CGAS: variants seen among roughly 807,000 people sequenced by gnomAD.
CGAS encodes cyclic GMP-AMP synthase.
CGAS carries 31 observed loss-of-function variants against 34.0 expected under a neutral mutation model. The observed-to-expected ratio is 0.91, with a 90% confidence interval of 0.69 to 1.23. CGAS has a LOEUF of 1.23. CGAS is among the 50% of genes most tolerant of loss of function. The pLI, the probability that CGAS is intolerant of heterozygous loss-of-function variation, is 0.00. For synonymous variants in CGAS, 266 were observed against 260.0 expected (o/e 1.02, Z -0.22); for missense variants, 597 against 657.6 (o/e 0.91, Z 1.01).
In CGAS at chr6:73,451,718, C is replaced by G; in HGVS notation, c.464G>C (p.Arg155Pro). 6.2e-7 allele frequency: 1 copy of G among 1,613,502 alleles called. No homozygotes were observed. The highest frequency in any genetic ancestry group is 1.3e-5 in the African/African-American group (1 of 75,064). Residue 155 changes from arginine to proline, a missense_variant, in exon 1 of 5, where the codon CGG (arginine) becomes CCG (proline). Physicochemically the swap from Arg to Pro is moderately radical, Grantham distance 103 (BLOSUM62 -2). This residue lies in a region of CGAS where 321 missense variants were observed against 314.3 expected (regional missense o/e 1.02). Coordinates refer to ENST00000370315, the MANE Select transcript of CGAS (RefSeq NM_138441.3). ...CGAGGCCCCAGGCGCCGCATCCCTC[C>G]GTACGAGAATGGGGGCCGAGACCGG... ...GLPVSAPILV[R>P]RDAAPGASKL...
chr6:73,428,884 T>G, intron 3 of CGAS, 73 bp from the exon 4 acceptor site: 1 of 1,342,316 alleles, frequency 7.4e-7, no homozygotes, highest in Admixed American at 2.1e-5. Context: ...TCAAGTGGTT[T>G]CCCTCATGAA....
At chr6:73,450,469 C>T (rs949906014) in intron 1 of CGAS, among the ~76,000 whole-genome samples, 1 of 151,850 alleles carries the variant, frequency 6.6e-6, no homozygotes, top group Admixed American at 6.6e-5. Flanking sequence ...AAATCTCTTG[C>T]TGGGCAAGAA....
intron 2 of CGAS, among the ~76,000 whole-genome samples, chr6:73,443,426 G>C (rs1385301940): frequency 6.6e-6 from 1 of 151,752 alleles, no homozygotes; most frequent in Non-Finnish European, 1.5e-5. Flanking sequence ...TTTTAGTCAA[G>C]ACGGGGTTTC....
At chr6:73,441,479 T>C (rs1428562325) in intron 2 of CGAS, among the ~76,000 whole-genome samples, 2 of 152,168 alleles carry the variant, frequency 1.3e-5, no homozygotes, top group African/African-American at 2.4e-5. Context: ...GAGGCTACGA[T>C]GTGAGGAGGA....
At chr6:73,436,819 T>TGA (rs763740805) in intron 3 of CGAS, among the ~76,000 whole-genome samples, 62 of 150,480 alleles carry the variant, frequency 4.1e-4, no homozygotes, top group African/African-American at 1.1e-3. Context: ...ATTACATGAA[T>TGA]GAGAGAGAGA....
chr6:73,443,605 CA>C (rs954718483), intron 2 of CGAS, among the ~76,000 whole-genome samples: 3 of 152,306 alleles, frequency 2.0e-5, no homozygotes, highest in African/African-American at 7.2e-5. Flanking sequence ...CCCCCACCTC[CA>C]TCTCCCACAT....
intron 1 of CGAS, among the ~76,000 whole-genome samples, chr6:73,449,476 A>ACACACAC (rs1770525650): frequency 6.1e-4 from 87 of 142,900 alleles, no homozygotes; most frequent in African/African-American, 2.2e-3. Context: ...CTCTGTCTCA[A>ACACACAC]ACACACACAC....
intron 4 of CGAS, among the ~76,000 whole-genome samples, chr6:73,427,823 T>A (rs914040430): frequency 3.3e-5 from 5 of 151,782 alleles, no homozygotes; most frequent in African/African-American, 7.3e-5. Context: ...ATAAAAAAAA[T>A]TTTTTTTGAG....
chr6:73,446,163 C>G (rs1770465911), intron 1 of CGAS, among the ~76,000 whole-genome samples: 1 of 151,916 alleles, frequency 6.6e-6, no homozygotes, highest in African/African-American at 2.4e-5. Context: ...AACCCCGTCT[C>G]TACTAAAAAT....
chr6:73,425,054 A>T lies in CGAS; in HGVS notation c.*173T>A, dbSNP rs191743857. ...TTTTTAGTAGAGATGGAGTTTCACC[A>T]TGTTGGTCAGGCTGGTCTCAAACTC... On this transcript the variant is annotated 3_prime_UTR_variant, in exon 5 of 5. Transcript: ENST00000370315. 9.6e-4 allele frequency: 435 copies of T among 454,588 alleles called. 1 individual carries two copies. The highest frequency in any genetic ancestry group is 3.7e-3 in the Admixed American group (89 of 23,988). The allele number at this position is 454,588 out of a possible 1,614,324, so 28.2% of individuals were successfully genotyped here.
Position 73,442,200 on chromosome 6 carries a change from T to C in CGAS, c.878-1755A>G, listed in dbSNP as rs1770390387. Among the ~76,000 whole-genome samples the C allele has an allele frequency of 1.3e-5, 2 of 152,124 alleles. 1 individual carries two copies. Among genetic ancestry groups the C allele is most frequent in the Admixed American group, 1.3e-4 (2 of 15,234 alleles). On this transcript the variant is annotated intron_variant, in intron 2 of 4. Transcript: ENST00000370315. ...CCATCTACCTTTCAAAGGCCACCTC[T>C]GCCCATAGTCTCTGGATCCCTTCCT...
At chr6:73,427,642 T>C (rs1045797062) in intron 4 of CGAS, among the ~76,000 whole-genome samples, 4 of 151,812 alleles carry the variant, frequency 2.6e-5, no homozygotes, top group African/African-American at 7.3e-5. Flanking sequence ...CAATTCCTTT[T>C]CAATCTTAGT....
chr6:73,442,019 T>G (rs2150814547), intron 2 of CGAS, among the ~76,000 whole-genome samples: 1 of 152,220 alleles, frequency 6.6e-6, no homozygotes, highest in South Asian at 2.1e-4. Flanking sequence ...ATTACAGGCA[T>G]GCACCACCAC....
At position 73,424,205 on chromosome 6, in the gene CGAS, C is replaced by G. The variant is rs533587196; in HGVS notation, c.*1022G>C. On this transcript the variant is annotated 3_prime_UTR_variant, in exon 5 of 5. Transcript: ENST00000370315. ...ATCCCAGCACTTTGGGAGGCCAAGGCGGGCGGATCACAAGGTAAGGAGATC... is the reference window on the plus strand; with the variant it reads ...ATCCCAGCACTTTGGGAGGCCAAGGGGGGCGGATCACAAGGTAAGGAGATC... 2 of 152,092 alleles carry G rather than the reference C, an allele frequency of 1.3e-5. No individual in the cohort carries two copies. The highest frequency in any genetic ancestry group is 2.9e-5 in the Non-Finnish European group (2 of 68,032). The allele number at this position is 152,092 out of a possible 1,614,324, so 9.4% of individuals were successfully genotyped here.
Position 73,451,782 on chromosome 6 carries a change from G to T in CGAS, c.400C>A (p.Pro134Thr). The change falls in exon 1 of 5, where the codon CCT becomes ACT. Residue 134 changes from proline to threonine, a missense_variant. By Grantham distance (38) the Pro-to-Thr change is conservative (BLOSUM62 -1). Coordinates refer to ENST00000370315, the MANE Select transcript of CGAS (RefSeq NM_138441.3). ...GGCACGTCCCAGGGCCCGGGCGGAGGTCTTGGCTTCGTGGAGCAGCGCGCG... is the reference window on the plus strand; with the variant it reads ...GGCACGTCCCAGGGCCCGGGCGGAGTTCTTGGCTTCGTGGAGCAGCGCGCG... Reference protein sequence around the residue: ...RGARCSTKPRPPPGPWDVPSP... With the variant: ...RGARCSTKPRTPPGPWDVPSP... 6.3e-7 allele frequency: 1 copy of T among 1,586,598 alleles called. No homozygotes were observed. The highest frequency in any genetic ancestry group is 8.6e-7 in the Non-Finnish European group (1 of 1,167,786).
chr6:73,439,956 T>G (rs1431794770), intron 3 of CGAS: 1 of 407,882 alleles, frequency 2.5e-6, no homozygotes, highest in Non-Finnish European at 4.4e-6. Flanking sequence ...AATACTGCTT[T>G]TCTTTACCGA....
chr6:73,449,089 C>CA (rs1207002574), intron 1 of CGAS, among the ~76,000 whole-genome samples: 28 of 144,202 alleles, frequency 1.9e-4, no homozygotes, highest in South Asian at 2.2e-4. Flanking sequence ...ACTCCATCCC[C>CA]AAAAAAAAAG....
At chr6:73,426,964 C>A (rs1020030710) in intron 4 of CGAS, among the ~76,000 whole-genome samples, 2 of 151,568 alleles carry the variant, frequency 1.3e-5, no homozygotes, top group African/African-American at 4.9e-5. Context: ...GATTCTCCTG[C>A]CTCAACCTCC....
intron 1 of CGAS, among the ~76,000 whole-genome samples, chr6:73,451,247 A>C (rs1040009563): frequency 1.3e-5 from 2 of 152,168 alleles, no homozygotes; most frequent in African/African-American, 2.4e-5. Flanking sequence ...AACTCGATAC[A>C]TGTCGGCTTG....
Sources: allele counts gnomAD v4.1 joint callset (sites outside exome capture counted in the v4.1 genomes callset), GRCh38; gene constraint gnomAD v4.1.1; regional missense constraint gnomAD v4.1.1; transcripts MANE v1.5; gene names NCBI Gene and HGNC (gene_info 2026-07-23, HGNC 2026-07-21).